Variants in RTN3 observed in about 807,000 individuals in gnomAD.
The protein encoded by RTN3 is reticulon 3.
In RTN3, 49 loss-of-function variants were observed where a neutral mutation model predicts 77.8. That is an observed-to-expected ratio of 0.63 (90% CI 0.50 to 0.80). The LOEUF (loss-of-function observed/expected upper bound fraction) is 0.80. Ranked by LOEUF, RTN3 falls within the 30% of genes least tolerant of loss-of-function variation. The probability of loss-of-function intolerance (pLI) is 0.00; values close to 1 mark genes in which losing one functional copy is unlikely to be tolerated. For missense variants in RTN3, 1,236 were observed against 1,211.9 expected (o/e 1.02, Z -0.29); for synonymous variants, 464 against 446.9 (o/e 1.04, Z -0.48).
intron 3 of RTN3, among the ~76,000 whole-genome samples, chr11:63,724,682 G>A (rs958658914): frequency 6.6e-6 from 1 of 151,626 alleles, no homozygotes; most frequent in Non-Finnish European, 1.5e-5. Context: ...TAGTAAAGAC[G>A]GAGTTTCACT....
At chr11:63,715,173 T>C (rs1488648607) in intron 2 of RTN3, among the ~76,000 whole-genome samples, 2 of 152,240 alleles carry the variant, frequency 1.3e-5, no homozygotes, top group African/African-American at 4.8e-5. Flanking sequence ...CCTTCCCCTC[T>C]GTGTTGTAAG....
intron 3 of RTN3, among the ~76,000 whole-genome samples, chr11:63,736,256 G>T (rs563868091): frequency 6.6e-6 from 1 of 152,290 alleles, no homozygotes; most frequent in African/African-American, 2.4e-5. Context: ...CTAACCTCAT[G>T]GCCCTCTCAC....
intron 1 of RTN3, among the ~76,000 whole-genome samples, chr11:63,684,405 C>G (rs1273691781): frequency 6.6e-6 from 1 of 152,076 alleles, no homozygotes; most frequent in African/African-American, 2.4e-5. Context: ...CCTCGGCCTC[C>G]CAAAATGCTG....
chr11:63,717,812 A>G (rs937225380), intron 2 of RTN3, among the ~76,000 whole-genome samples: 1 of 151,712 alleles, frequency 6.6e-6, no homozygotes, highest in African/African-American at 2.4e-5. Context: ...TCAGGAGTTA[A>G]GAGACCAGCC....
intron 2 of RTN3, among the ~76,000 whole-genome samples, chr11:63,706,157 A>G (rs907096416): frequency 6.6e-6 from 1 of 152,074 alleles, no homozygotes; most frequent in Non-Finnish European, 1.5e-5. Context: ...CTTAGGAAAC[A>G]TGGTAGGGAA....
At chr11:63,698,725 C>G (rs1590795198) in intron 1 of RTN3, 1 of 172,238 alleles carries the variant, frequency 5.8e-6, no homozygotes, top group Admixed American at 6.5e-5. Flanking sequence ...GTTGTTCCGA[C>G]TGACTGCCAG....
intron 1 of RTN3, among the ~76,000 whole-genome samples, chr11:63,698,068 C>T (rs1440805303): frequency 1.8e-4 from 27 of 152,030 alleles, no homozygotes. Context: ...TCTGTTCCCT[C>T]CCCCTCTACC....
At position 63,710,674 on chromosome 11, in the gene RTN3, CCTTAT is replaced by C. The variant is rs146761152; in HGVS notation, c.199+5771_199+5775del. Among the ~76,000 whole-genome samples the C allele has an allele frequency of 1.1e-3, 163 of 152,102 alleles. 3 individuals carry two copies. In the East Asian group the frequency reaches 0.024, roughly 23 times the overall value. ...TGGGACTAGAGCTCTGAAGTATGGC[CCTTAT>C]CTTTCTGCTCTCCAACACATACCAA... On this transcript the variant is annotated intron_variant, in intron 2 of 8. Transcript: ENST00000377819.
chr11:63,743,562 T>C (rs1460781824), intron 3 of RTN3, among the ~76,000 whole-genome samples: 1 of 152,186 alleles, frequency 6.6e-6, no homozygotes, highest in Non-Finnish European at 1.5e-5. Context: ...TCAGTCATGA[T>C]GTAGTATTGC....
At chr11:63,713,315 G>A (rs1307595308) in intron 2 of RTN3, among the ~76,000 whole-genome samples, 2 of 151,738 alleles carry the variant, frequency 1.3e-5, no homozygotes, top group Non-Finnish European at 2.9e-5. Context: ...ACCATATATC[G>A]ATTCTCACCC....
chr11:63,691,723 A>C (rs1941669769), intron 1 of RTN3, among the ~76,000 whole-genome samples: 1 of 152,166 alleles, frequency 6.6e-6, no homozygotes, highest in South Asian at 2.1e-4. Context: ...TACCTTCAAA[A>C]AGATATCCAA....
intron 1 of RTN3, among the ~76,000 whole-genome samples, chr11:63,692,521 G>C (rs1338273218): frequency 6.6e-6 from 1 of 152,000 alleles, no homozygotes; most frequent in Admixed American, 6.5e-5. Flanking sequence ...CACTTTGGGA[G>C]GCTGAGGCAG....
rs1469757560 is a variant in RTN3 at position 63,720,180 on chromosome 11, A to G, written c.1678A>G (p.Ser560Gly). The change falls in exon 3 of 9, where the codon AGT becomes GGT. Residue 560 changes from serine (S) to glycine (G), a missense_variant. This residue lies in a region of RTN3 where 1,056 missense variants were observed against 990.4 expected (regional missense o/e 1.07). Coordinates refer to ENST00000377819, the MANE Select transcript of RTN3 (RefSeq NM_001265589.2). ...KTSKNFEELV[S>G]DSELHQDQPD... ...ATCTAAAAACTTTGAAGAATTGGTC[A>G]GTGACTCTGAGCTGCATCAAGATCA... 6 of 1,614,182 alleles carry G rather than the reference A, an allele frequency of 3.7e-6. No individual in the cohort carries two copies. The highest frequency in any genetic ancestry group is 3.3e-5 in the Admixed American group (2 of 60,020).
chr11:63,706,871 TAA>T (rs961186538), intron 2 of RTN3, among the ~76,000 whole-genome samples: 60 of 151,860 alleles, frequency 4.0e-4, no homozygotes, highest in Middle Eastern at 3.4e-3. Context: ...GTTCTAACCT[TAA>T]GTCACTATTT....
At chr11:63,726,694 C>T (rs57948535) in intron 3 of RTN3, among the ~76,000 whole-genome samples, 1 of 152,040 alleles carries the variant, frequency 6.6e-6, no homozygotes, top group Non-Finnish European at 1.5e-5. Context: ...AACCCCATCT[C>T]TACTAAAAAT....
intron 8 of RTN3, among the ~76,000 whole-genome samples, chr11:63,757,466 T>G (rs2014437444): frequency 6.6e-6 from 1 of 152,026 alleles, no homozygotes; most frequent in Non-Finnish European, 1.5e-5. Context: ...CTCCAAGTGA[T>G]CCTCCCACCC....
chr11:63,686,198 C>G (rs934058467), intron 1 of RTN3, among the ~76,000 whole-genome samples: 2 of 152,096 alleles, frequency 1.3e-5, no homozygotes, highest in African/African-American at 4.8e-5. Flanking sequence ...TGGCCGGGCA[C>G]GGTGGCTCAC....
intron 1 of RTN3, among the ~76,000 whole-genome samples, chr11:63,702,712 G>A (rs2134716155): frequency 6.7e-6 from 1 of 150,156 alleles, no homozygotes; most frequent in African/African-American, 2.4e-5. Context: ...TTGAGACGGA[G>A]TCTTGCTCTG....
At chr11:63,740,862 T>C (rs567756) in intron 3 of RTN3, among the ~76,000 whole-genome samples, 22,370 of 152,216 alleles carry the variant, frequency 0.15, 1,827 homozygotes, top group African/African-American at 0.2. Flanking sequence ...TAATAGCTGA[T>C]ATTGTGTTAC....
Sources: allele counts gnomAD v4.1 joint callset (sites outside exome capture counted in the v4.1 genomes callset), GRCh38; gene constraint gnomAD v4.1.1; regional missense constraint gnomAD v4.1.1; transcripts MANE v1.5; gene names NCBI Gene and HGNC (gene_info 2026-07-23, HGNC 2026-07-21).